IGSF9B: variants seen among roughly 807,000 people sequenced by gnomAD.
The protein encoded by IGSF9B is protein turtle homolog B.
A neutral mutation model predicts 143.7 loss-of-function variants in IGSF9B; 48 were observed. That is an observed-to-expected ratio of 0.33 (90% CI 0.26 to 0.42). The LOEUF is 0.42. IGSF9B is among the 20% of genes least tolerant of loss of function. The probability of loss-of-function intolerance (pLI) is 1.00; values close to 1 mark genes in which losing one functional copy is unlikely to be tolerated. For synonymous variants in IGSF9B, 903 were observed against 833.1 expected (o/e 1.08, Z -1.44); for missense variants, 1,706 against 1,980.0 (o/e 0.86, Z 2.63).
At chr11:133,918,849 G>A (rs1350115376) in intron 18 of IGSF9B, among the ~76,000 whole-genome samples, 2 of 151,770 alleles carry the variant, frequency 1.3e-5, no homozygotes, top group East Asian at 2.0e-4. Flanking sequence ...GTATCCGGGG[G>A]CACTACAGAG....
At chr11:133,936,769 C>T (rs1293055254) in intron 5 of IGSF9B, among the ~76,000 whole-genome samples, 5 of 152,346 alleles carry the variant, frequency 3.3e-5, no homozygotes, top group African/African-American at 7.2e-5. Context: ...CCACAACCCC[C>T]GAGTTCCTCC....
At chr11:133,938,497 C>T (rs767221201) in intron 3 of IGSF9B, among the ~76,000 whole-genome samples, 3 of 152,196 alleles carry the variant, frequency 2.0e-5, no homozygotes, top group African/African-American at 7.2e-5. Context: ...TGAAGGTGGA[C>T]AGCCCACCCG....
chr11:133,908,838 C>CATTAAAAAA lies in IGSF9B; in HGVS notation c.*230_*231insTTTTTTAAT. On this transcript the variant is annotated 3_prime_UTR_variant, in exon 20 of 20. Coordinates refer to ENST00000533871, the MANE Select transcript of IGSF9B (RefSeq NM_001277285.4). ...GGGGAGGAGACAGGTGTTGCCCAGT[C>CATTAAAAAA]TCCAATCCACTTCCTGACCTCGACC... 9.4e-6 allele frequency: 5 copies of CATTAAAAAA among 530,000 alleles called. No homozygotes were observed. Among genetic ancestry groups the CATTAAAAAA allele is most frequent in the Admixed American group, 3.3e-5 (1 of 30,436 alleles). 32.8% of individuals were successfully genotyped at this position (530,000 alleles called of 1,614,324 possible). A position where few individuals can be genotyped will look rare whatever the true frequency, so the allele number is the denominator to read the frequency against.
intron 18 of IGSF9B, among the ~76,000 whole-genome samples, chr11:133,918,625 G>T (rs1233582127): frequency 6.6e-6 from 1 of 152,034 alleles, no homozygotes; most frequent in Non-Finnish European, 1.5e-5. Context: ...CTGCGGGTGG[G>T]AGGTGACCTT....
At position 133,920,654 on chromosome 11, in the gene IGSF9B, G is replaced by A. The variant is rs762381409; in HGVS notation, c.3071C>T (p.Thr1024Met). The A allele has an allele frequency of 4.6e-5, 75 of 1,613,404 alleles. No individual in the cohort carries two copies. The highest frequency in any genetic ancestry group is 1.1e-4 in the East Asian group (5 of 44,876). The change falls in exon 18 of 20, where the codon ACG becomes ATG. Residue 1024 changes from threonine (T) to methionine (M), a missense_variant. Physicochemically the swap from Thr to Met is moderately conservative, Grantham distance 81 (BLOSUM62 -1). Transcript: ENST00000533871. ...TGTAGGTGTCTGAGTCAAGGGCAGC[G>A]TGCTGTTGGATGCATTCTCTCCATT... ...EENGENASNS[T>M]LPLTQTPTGG...
chr11:133,934,279 G>A (rs1312398650), intron 7 of IGSF9B, among the ~76,000 whole-genome samples: 1 of 152,218 alleles, frequency 6.6e-6, no homozygotes, highest in Non-Finnish European at 1.5e-5. Context: ...CCTCCTGTTG[G>A]CTCCTCCTGC....
chr11:133,928,578 G>A lies in IGSF9B; in HGVS notation c.1631+1093C>T, dbSNP rs1319846428. Among the ~76,000 whole-genome samples the A allele has an allele frequency of 6.6e-6, 1 of 152,120 alleles. No homozygotes were observed. The highest frequency in any genetic ancestry group is 2.4e-5 in the African/African-American group (1 of 41,418). On this transcript the variant is annotated intron_variant, in intron 12 of 19. Transcript: ENST00000533871. This position sits in a 1 kb window ranked among gnomAD's most constrained non-coding sequence, Gnocchi z 4.7. ...GTTGAGCCTGGCTAGAGAGACACCT[G>A]CAGGTGAGACAGGTCTAAAAGAAGG...
rs988897917 is a variant in IGSF9B, at chr11:133,924,654, G to T, written c.2119+166C>A. Among the ~76,000 whole-genome samples the T allele has an allele frequency of 5.9e-5, 9 of 152,232 alleles. No homozygotes were observed. In the South Asian group the frequency reaches 1.7e-3, roughly 28 times the overall value. ...AATAGCATGCATCATGGAAATATGGGTCTGGTGGGCTTAAGAAAGGCTATG... is the reference window on the plus strand; with the variant it reads ...AATAGCATGCATCATGGAAATATGGTTCTGGTGGGCTTAAGAAAGGCTATG... On this transcript the variant is annotated intron_variant, in intron 15 of 19. Coordinates refer to ENST00000533871, the MANE Select transcript of IGSF9B (RefSeq NM_001277285.4).
chr11:133,942,593 G>A (rs1469106989), intron 3 of IGSF9B, among the ~76,000 whole-genome samples: 1 of 152,200 alleles, frequency 6.6e-6, no homozygotes, highest in African/African-American at 2.4e-5. Context: ...AAAGAACGGA[G>A]GCAGTGCCCC....
rs1192737287 is a variant in IGSF9B, at chr11:133,907,054, A to G, written c.*2015T>C. 1.3e-5 allele frequency among the ~76,000 whole-genome samples: 2 copies of G among 151,998 alleles called. No individual in the cohort carries two copies. Among genetic ancestry groups the G allele is most frequent in the Non-Finnish European group, 2.9e-5 (2 of 67,996 alleles). On this transcript the variant is annotated 3_prime_UTR_variant, in exon 20 of 20. Coordinates refer to ENST00000533871, the MANE Select transcript of IGSF9B (RefSeq NM_001277285.4). Reference sequence around the variant, plus strand: ...GTGCCCAGTGGTCAAGTGGATTCCAACGCCCCAGAGAAGCACATCAACTGG... The same window carrying G: ...GTGCCCAGTGGTCAAGTGGATTCCAGCGCCCCAGAGAAGCACATCAACTGG...
In IGSF9B at chr11:133,928,759, C is replaced by T. The variant is rs1304791082; in HGVS notation, c.1631+912G>A. On this transcript the variant is annotated intron_variant, in intron 12 of 19. Transcript: ENST00000533871. The surrounding 1 kb of genome is among the most constrained non-coding windows in gnomAD (Gnocchi z 4.7). ...TCTCCTCCCTTCCTGTGCCTCCTGC[C>T]CTCACCCCGCTTGGCACATTTTTGA... Among the ~76,000 whole-genome samples, 3 of 152,196 alleles carry T rather than the reference C, an allele frequency of 2.0e-5. No homozygotes were observed. The East Asian group carries it at 5.8e-4, about 29-fold the overall frequency.
At chr11:133,935,216 T>C (rs764485718) in intron 7 of IGSF9B, among the ~76,000 whole-genome samples, 23 of 152,290 alleles carry the variant, frequency 1.5e-4, no homozygotes, top group South Asian at 2.1e-4. Context: ...GGGAGAAACC[T>C]AACCCTGCAT....
chr11:133,952,805 G>GCA (rs980051332), intron 1 of IGSF9B, among the ~76,000 whole-genome samples: 20 of 152,064 alleles, frequency 1.3e-4, no homozygotes, highest in South Asian at 6.2e-4. Context: ...GTATGCATGT[G>GCA]CACACACACA....
At chr11:133,949,017 G>A (rs377215222) in intron 1 of IGSF9B, among the ~76,000 whole-genome samples, 11 of 152,200 alleles carry the variant, frequency 7.2e-5, no homozygotes, top group East Asian at 1.9e-4. Context: ...CTTCCCCAGC[G>A]CTGGGATTCC....
chr11:133,921,582 T>A (rs1939539760), intron 17 of IGSF9B, among the ~76,000 whole-genome samples, 185 bp from the exon 18 acceptor site: 1 of 152,158 alleles, frequency 6.6e-6, no homozygotes, highest in East Asian at 1.9e-4. Flanking sequence ...CTCCTTTTTT[T>A]TTTAAAGACG....
chr11:133,952,718 T>C (rs1940184377), intron 1 of IGSF9B, among the ~76,000 whole-genome samples: 1 of 151,668 alleles, frequency 6.6e-6, no homozygotes, highest in Non-Finnish European at 1.5e-5. Context: ...CAGGGGCACA[T>C]ATATGCACAC....
chr11:133,922,850 GC>G (rs1939567366), intron 15 of IGSF9B, 120 bp from the exon 16 acceptor site: 1 of 902,734 alleles, frequency 1.1e-6, no homozygotes, highest in African/African-American at 1.6e-5. Flanking sequence ...CAAGGCTCGG[GC>G]TCCAAGCTGA....
chr11:133,901,669 G>A lies in IGSF9B; in HGVS notation c.*7400C>T, dbSNP rs1315490953. ...CCATAAAAAATACATTAAAGATGGT[G>A]CATTACTAATTTGACCCTCCTACCC... On this transcript the variant is annotated 3_prime_UTR_variant, in exon 20 of 20. Transcript: ENST00000533871. 3 of 152,124 alleles carry A rather than the reference G, an allele frequency of 2.0e-5. No individual in the cohort carries two copies. The highest frequency in any genetic ancestry group is 7.3e-5 in the African/African-American group (3 of 41,378). 9.4% of individuals were successfully genotyped at this position (152,124 alleles called of 1,614,324 possible). A position where few individuals can be genotyped will look rare whatever the true frequency, so the allele number is the denominator to read the frequency against.
intron 7 of IGSF9B, 35 bp from the exon 8 acceptor site, chr11:133,932,248 G>A: frequency 6.7e-7 from 1 of 1,497,348 alleles, no homozygotes; most frequent in South Asian, 1.2e-5. Context: ...AGAGCAGACA[G>A]ACAGACACAG....
Sources: allele counts gnomAD v4.1 joint callset (sites outside exome capture counted in the v4.1 genomes callset), GRCh38; gene constraint gnomAD v4.1.1; non-coding constraint Gnocchi (gnomAD v3.1); transcripts MANE v1.5; gene names NCBI Gene and HGNC (gene_info 2026-07-23, HGNC 2026-07-21).